The following FRK variants were observed in gnomAD, a reference collection of about 807,000 sequenced individuals.
FRK encodes fyn related Src family tyrosine kinase, also known as tyrosine-protein kinase FRK.
A neutral mutation model predicts 56.4 loss-of-function variants in FRK; 51 were observed. The observed-to-expected ratio is 0.90, with a 90% CI of 0.72 to 1.14. The LOEUF is 1.14. FRK is among the 50% of genes most tolerant of loss of function. The pLI is 0.00. For synonymous variants in FRK, 245 were observed against 217.9 expected (o/e 1.12, Z -1.10); for missense variants, 570 against 601.4 (o/e 0.95, Z 0.55).
At chr6:116,022,655 T>C in intron 1 of FRK, among the ~76,000 whole-genome samples, 1 of 152,096 alleles carries the variant, frequency 6.6e-6, no homozygotes, top group East Asian at 1.9e-4. Flanking sequence ...AGAAGAAAAC[T>C]TTCTCATTCT....
At chr6:115,966,965 T>A (rs899304917) in intron 4 of FRK, among the ~76,000 whole-genome samples, 1 of 60,980 alleles carries the variant, frequency 1.6e-5, no homozygotes, top group Non-Finnish European at 3.3e-5. Context: ...CAAGATCATA[T>A]GACCAGAAAT....
chr6:115,990,609 T>A (rs541689135), intron 2 of FRK, among the ~76,000 whole-genome samples: 66 of 151,984 alleles, frequency 4.3e-4, no homozygotes, highest in African/African-American at 1.6e-3. Flanking sequence ...TCTTGGGTTA[T>A]CTATTCTGTT....
upstream of FRK, among the ~76,000 whole-genome samples, chr6:116,064,978 A>G (rs1037928492): frequency 6.6e-6 from 1 of 152,048 alleles, no homozygotes; most frequent in African/African-American, 2.4e-5. Flanking sequence ...TATTCCTTCC[A>G]CTGCTAACTT....
intron 1 of FRK, among the ~76,000 whole-genome samples, chr6:116,038,367 T>C (rs149620447): frequency 6.6e-6 from 1 of 152,252 alleles, no homozygotes; most frequent in Admixed American, 6.5e-5. Flanking sequence ...TAGGCTAAAA[T>C]AGCAGATGCC....
chr6:116,062,860 T>C (rs1433767279), upstream of FRK, among the ~76,000 whole-genome samples: 2 of 152,244 alleles, frequency 1.3e-5, no homozygotes, highest in African/African-American at 4.8e-5. Context: ...CACTGAATTC[T>C]GCTCAGTCTT....
the FRK span, among the ~76,000 whole-genome samples, chr6:116,099,642 T>C: frequency 6.6e-6 from 1 of 152,252 alleles, no homozygotes; most frequent in South Asian, 2.1e-4. Context: ...GAACAAGTTA[T>C]CAATTTTATT....
chr6:116,091,467 C>T, the FRK span, among the ~76,000 whole-genome samples: 1 of 152,232 alleles, frequency 6.6e-6, no homozygotes, highest in East Asian at 1.9e-4. Context: ...TCTGCGCCAC[C>T]TTTAAGAGCT....
At position 115,968,655 on chromosome 6, in the gene FRK, GAA is replaced by G; in HGVS notation, c.549_550del (p.Ser184AsnfsTer14). ...GTGGCTCACAAATTCGTTCAGTGTT[GAA>G]AAGATTCTTCTTCGCGTGAGAAAAA... On this transcript the variant is annotated frameshift_variant, in exon 3 of 8. Coordinates refer to ENST00000606080, the MANE Select transcript of FRK (RefSeq NM_002031.3). LOFTEE classifies it high-confidence loss of function. The G allele has an allele frequency of 6.2e-7, 1 of 1,613,736 alleles. No homozygotes were observed. The highest frequency in any genetic ancestry group is 2.2e-5 in the East Asian group (1 of 44,868).
chr6:115,953,221 G>A (rs1277648724), intron 5 of FRK, among the ~76,000 whole-genome samples: 1 of 99,060 alleles, frequency 1.0e-5, no homozygotes, highest in East Asian at 3.4e-4. Context: ...ACGGAGTCTC[G>A]CTCTGTCGCC....
the FRK span, among the ~76,000 whole-genome samples, chr6:116,071,472 T>C: frequency 6.6e-6 from 1 of 152,164 alleles, no homozygotes; most frequent in Non-Finnish European, 1.5e-5. Context: ...CACTTTTGCC[T>C]CCAGCAAATG....
rs2114482748 is a variant in FRK, at chr6:115,931,975, A to C, written c.*10439T>G. Reference sequence around the variant, plus strand: ...GGAAAAGCTGATTATTCTCCATGAAAATGAAAAAGATGTTACATTGACGTC... The same window carrying C: ...GGAAAAGCTGATTATTCTCCATGAACATGAAAAAGATGTTACATTGACGTC... On this transcript the variant is annotated 3_prime_UTR_variant, in exon 8 of 8. Transcript: ENST00000606080. The C allele has an allele frequency of 6.6e-6, 1 of 152,314 alleles. No homozygotes were observed. Among genetic ancestry groups the C allele is most frequent in the African/African-American group, 2.4e-5 (1 of 41,568 alleles). 9.4% of individuals were successfully genotyped at this position (152,314 alleles called of 1,614,324 possible). A position where few individuals can be genotyped will look rare whatever the true frequency, so the allele number is the denominator to read the frequency against.
intron 5 of FRK, among the ~76,000 whole-genome samples, chr6:115,947,745 T>C (rs903095173): frequency 3.3e-5 from 5 of 152,190 alleles, no homozygotes; most frequent in African/African-American, 7.2e-5. Flanking sequence ...TTCTATATTA[T>C]AGCAGCTGAC....
At position 116,037,876 on chromosome 6, in the gene FRK, A is replaced by C. The variant is rs536758288; in HGVS notation, c.344+22092T>G. ...CCTCTACTGCACCTGGGTCTCATTCAGGTAGAGTGAAGAAAGGCCCAACTG... is the reference window on the plus strand; with the variant it reads ...CCTCTACTGCACCTGGGTCTCATTCCGGTAGAGTGAAGAAAGGCCCAACTG... On this transcript the variant is annotated intron_variant, in intron 1 of 7. Coordinates refer to ENST00000606080, the MANE Select transcript of FRK (RefSeq NM_002031.3). Among the ~76,000 whole-genome samples the C allele has an allele frequency of 4.6e-5, 7 of 152,162 alleles. No homozygotes were observed. In the South Asian group the frequency reaches 1.0e-3, roughly 23 times the overall value.
intron 1 of FRK, among the ~76,000 whole-genome samples, chr6:116,049,785 A>T (rs1388389803): frequency 6.6e-6 from 1 of 152,218 alleles, no homozygotes; most frequent in Non-Finnish European, 1.5e-5. Flanking sequence ...CTCTCAGTAA[A>T]TGTCAGTTAT....
intron 5 of FRK, among the ~76,000 whole-genome samples, chr6:115,950,386 A>G (rs939226679): frequency 6.6e-6 from 1 of 152,238 alleles, no homozygotes; most frequent in Non-Finnish European, 1.5e-5. Flanking sequence ...GACACTTTTC[A>G]AAAGAAGACA....
the FRK span, among the ~76,000 whole-genome samples, chr6:116,095,920 C>T: frequency 2.6e-5 from 4 of 152,234 alleles, no homozygotes; most frequent in Non-Finnish European, 4.4e-5. Context: ...GAAAAGGCTT[C>T]TGATATCAGA....
intron 1 of FRK, among the ~76,000 whole-genome samples, chr6:116,020,854 C>A (rs1446782597): frequency 6.6e-6 from 1 of 152,140 alleles, no homozygotes; most frequent in East Asian, 1.9e-4. Flanking sequence ...AGTATAACCA[C>A]TTTACCCAAC....
intron 2 of FRK, among the ~76,000 whole-genome samples, chr6:115,981,100 A>G (rs1031766687): frequency 2.6e-5 from 4 of 152,180 alleles, no homozygotes; most frequent in African/African-American, 7.2e-5. Context: ...AGAAAGAATT[A>G]CTAAAGAACT....
chr6:116,018,291 A>G (rs1775727744), intron 1 of FRK, among the ~76,000 whole-genome samples: 1 of 152,170 alleles, frequency 6.6e-6, no homozygotes, highest in African/African-American at 2.4e-5. Context: ...ATTAAGGCCC[A>G]TCTATTCCAT....
Sources: gnomAD v4.1 joint callset for allele counts (sites outside exome capture counted in the v4.1 genomes callset) on GRCh38, gnomAD v4.1.1 for gene constraint, MANE v1.5 for transcripts, NCBI Gene and HGNC (gene_info 2026-07-23, HGNC 2026-07-21) for gene names.